The following TTLL11 variants were observed in gnomAD, a reference collection of about 807,000 sequenced individuals.
TTLL11 encodes tubulin polyglutamylase TTLL11.
Under a neutral mutation model 51.7 loss-of-function variants are expected in TTLL11, and 42 were observed. The ratio of observed to expected loss-of-function variants is 0.81; its 90% CI spans 0.64 to 1.05. The LOEUF is 1.05. Ranked by LOEUF, TTLL11 falls within the 50% of genes least tolerant of loss-of-function variation. TTLL11 has a pLI of 0.00. For synonymous variants in TTLL11, 381 were observed against 383.5 expected (o/e 0.99, Z 0.08); for missense variants, 799 against 940.4 (o/e 0.85, Z 1.97).
intron 3 of TTLL11, among the ~76,000 whole-genome samples, chr9:122,010,475 G>A (rs1205342597): frequency 2.0e-5 from 3 of 152,122 alleles, no homozygotes; most frequent in African/African-American, 7.2e-5. Flanking sequence ...CGTATGGATG[G>A]TCTATGTCTG....
chr9:121,825,220 T>C (rs1836713647), intron 8 of TTLL11, among the ~76,000 whole-genome samples: 1 of 151,832 alleles, frequency 6.6e-6, no homozygotes, highest in Non-Finnish European at 1.5e-5. Context: ...TGTGCATCTG[T>C]GTGTGTGTGT....
chr9:122,013,236 T>C (rs1386693446), intron 3 of TTLL11, among the ~76,000 whole-genome samples: 1 of 152,174 alleles, frequency 6.6e-6, no homozygotes, highest in African/African-American at 2.4e-5. Context: ...TGCCTCACTG[T>C]CTCTCAGCCT....
At chr9:122,076,218 A>G (rs1246671716) in intron 1 of TTLL11, among the ~76,000 whole-genome samples, 2 of 151,846 alleles carry the variant, frequency 1.3e-5, no homozygotes, top group Non-Finnish European at 2.9e-5. Context: ...CTCTGCCTCC[A>G]CTCTTCAAGC....
intron 6 of TTLL11, among the ~76,000 whole-genome samples, chr9:121,966,237 T>A (rs1842394210): frequency 6.6e-6 from 1 of 152,220 alleles, no homozygotes; most frequent in Admixed American, 6.5e-5. Flanking sequence ...CTGGGCCATA[T>A]ATAAGTCATG....
chr9:121,989,353 T>C lies in TTLL11; in HGVS notation c.1111A>G (p.Ile371Val), dbSNP rs367679783. ...STGSKRTFSS[I>V]LCRLSSKGVD... ...CCTTTGGAAGACAGTCTACAAAGGA[T>C]GCTGGAAAAAGTCCTTTTGCTGCCA... Residue 371 changes from isoleucine (I) to valine (V), a missense_variant, in exon 4 of 9, where the codon ATC (isoleucine) becomes GTC (valine). Coordinates refer to ENST00000321582, the MANE Select transcript of TTLL11 (RefSeq NM_001139442.2). The surrounding 1 kb of genome is among the most constrained non-coding windows in gnomAD (Gnocchi z 4.2). 14 of 1,614,084 alleles carry C rather than the reference T, an allele frequency of 8.7e-6. No homozygotes were observed. Among genetic ancestry groups the C allele is most frequent in the Non-Finnish European group, 1.2e-5 (14 of 1,180,044 alleles).
intron 3 of TTLL11, among the ~76,000 whole-genome samples, chr9:122,030,296 T>C (rs1467838388): frequency 6.6e-6 from 1 of 151,880 alleles, no homozygotes; most frequent in African/African-American, 2.4e-5. Flanking sequence ...AATGCACCCA[T>C]TTTAAGTTAA....
In TTLL11 at chr9:121,839,204, C is replaced by T. The variant is rs117163679; in HGVS notation, c.1841-16325G>A. 8.3e-3 allele frequency among the ~76,000 whole-genome samples: 1,260 copies of T among 152,354 alleles called. 9 individuals are homozygous for T. Among genetic ancestry groups the T allele is most frequent in the South Asian group, 0.021 (103 of 4,830 alleles). On this transcript the variant is annotated intron_variant, in intron 8 of 8. Transcript: ENST00000321582. The stretch of plus-strand genomic sequence containing the variant: ...AACGTCTAATTACATGCAATTTCTG[C>T]GTTTCCATGTTTAATGTCTGCCTCG...
At chr9:121,953,639 A>C (rs1306012633) in intron 6 of TTLL11, among the ~76,000 whole-genome samples, 1 of 128,384 alleles carries the variant, frequency 7.8e-6, no homozygotes, top group East Asian at 2.0e-4. Flanking sequence ...CCTCAAAAAA[A>C]AAAAAAAAAA....
chr9:121,904,652 G>A (rs72764102), intron 6 of TTLL11, among the ~76,000 whole-genome samples: 9,652 of 152,216 alleles, frequency 0.063, 351 homozygotes, highest in Middle Eastern at 0.099. Flanking sequence ...AGTAGCTACC[G>A]ACCCCATCCT....
At position 121,870,684 on chromosome 9, in the gene TTLL11, C is replaced by T. The variant is rs1220742034; in HGVS notation, c.1546G>A (p.Ala516Thr). The change falls in exon 7 of 9, where the codon GCT becomes ACT. Residue 516 changes from alanine (A) to threonine (T), a missense_variant. Coordinates refer to ENST00000321582, the MANE Select transcript of TTLL11 (RefSeq NM_001139442.2). ...EDALDGELTS[A>T]PDCNANPEAH... ...TCGGGGTTGGCGTTGCAGTCTGGAG[C>T]ACTGGTCAGCTCGCCGTCCAAAGCA... 6.4e-6 allele frequency: 10 copies of T among 1,551,594 alleles called. No homozygotes were observed. The highest frequency in any genetic ancestry group is 2.0e-5 in the Admixed American group (1 of 50,980).
At chr9:121,941,044 C>T (rs1841441469) in intron 6 of TTLL11, among the ~76,000 whole-genome samples, 1 of 152,184 alleles carries the variant, frequency 6.6e-6, no homozygotes, top group Non-Finnish European at 1.5e-5. Flanking sequence ...CGTTCACATC[C>T]ATTTTTCTCC....
Position 121,995,713 on chromosome 9 carries a change from G to A in TTLL11, c.694-5943C>T, listed in dbSNP as rs748872478. Among the ~76,000 whole-genome samples the A allele has an allele frequency of 2.0e-5, 3 of 152,112 alleles. No homozygotes were observed. Among genetic ancestry groups the A allele is most frequent in the African/African-American group, 4.8e-5 (2 of 41,416 alleles). On this transcript the variant is annotated intron_variant, in intron 3 of 8. Coordinates refer to ENST00000321582, the MANE Select transcript of TTLL11 (RefSeq NM_001139442.2). The surrounding 1 kb of genome is among the most constrained non-coding windows in gnomAD (Gnocchi z 4.4). ...CTAATTTAGGACTTTATAATATCCC[G>A]CAAGCCCTCTACTGTTCATCGGAAC... is the stretch of plus-strand genomic sequence containing the variant.
chr9:122,083,122 C>G lies in TTLL11; in HGVS notation c.462+9565G>C, dbSNP rs566441051. ...TATGATATCATGATGGTAATTAGCA[C>G]AGTTTACCAAATAGCCTGATTCTCC... On this transcript the variant is annotated intron_variant, in intron 1 of 8. Coordinates refer to ENST00000321582, the MANE Select transcript of TTLL11 (RefSeq NM_001139442.2). Among the ~76,000 whole-genome samples, 6 of 152,236 alleles carry G rather than the reference C, an allele frequency of 3.9e-5. No individual in the cohort carries two copies. The South Asian group carries it at 1.2e-3, about 32-fold the overall frequency.
At chr9:121,939,193 C>A (rs968690643) in intron 6 of TTLL11, among the ~76,000 whole-genome samples, 3 of 152,010 alleles carry the variant, frequency 2.0e-5, no homozygotes, top group African/African-American at 7.2e-5. Flanking sequence ...CTTTAATAAA[C>A]CCTAGTATTT....
At chr9:121,893,656 C>T (rs748832276) in intron 6 of TTLL11, among the ~76,000 whole-genome samples, 16 of 152,238 alleles carry the variant, frequency 1.1e-4, no homozygotes, top group Non-Finnish European at 1.5e-4. Flanking sequence ...ATTACCTCTA[C>T]GTCTGCTATC....
chr9:121,871,514 C>G (rs1268924807), intron 6 of TTLL11, among the ~76,000 whole-genome samples: 2 of 152,184 alleles, frequency 1.3e-5, no homozygotes, highest in Non-Finnish European at 2.9e-5. Context: ...CCTCCTTAGT[C>G]CTGAAGCCAA....
chr9:121,931,051 A>G (rs1246064410), intron 6 of TTLL11, among the ~76,000 whole-genome samples: 2 of 152,246 alleles, frequency 1.3e-5, no homozygotes, highest in Non-Finnish European at 1.5e-5. Context: ...ACTTTATTCT[A>G]CCATTAACTG....
intron 8 of TTLL11, among the ~76,000 whole-genome samples, chr9:121,848,211 G>GA (rs765852047): frequency 0.028 from 3,958 of 143,584 alleles, 92 homozygotes; most frequent in African/African-American, 0.064. Context: ...TATCGCTAAG[G>GA]AAAAAAAAAG....
intron 2 of TTLL11, among the ~76,000 whole-genome samples, chr9:122,032,317 T>G (rs1844577247): frequency 6.6e-6 from 1 of 152,194 alleles, no homozygotes; most frequent in African/African-American, 2.4e-5. Flanking sequence ...GTTTACTTCT[T>G]TTACTGTTTC....
Sources: allele counts gnomAD v4.1 joint callset (sites outside exome capture counted in the v4.1 genomes callset), GRCh38; gene constraint gnomAD v4.1.1; non-coding constraint Gnocchi (gnomAD v3.1); transcripts MANE v1.5; gene names NCBI Gene and HGNC (gene_info 2026-07-23, HGNC 2026-07-21).